The following PYM1 variants were observed in gnomAD, a reference collection of about 807,000 sequenced individuals.
PYM1 encodes partner of Y14 and mago.
A neutral mutation model predicts 20.7 loss-of-function variants in PYM1; 7 were observed. That is an observed-to-expected ratio of 0.34 (90% CI 0.19 to 0.64). The LOEUF is 0.64. Among genes scored for constraint, PYM1 ranks in the 30% least tolerant of loss-of-function variants. The pLI is 0.74. For synonymous variants in PYM1, 100 were observed against 99.2 expected (o/e 1.01, Z -0.05); for missense variants, 194 against 250.0 (o/e 0.78, Z 1.51).
In PYM1 at chr12:55,927,709, G is replaced by A. The variant is rs1358348733; in HGVS notation, c.37+16C>T. 2 of 1,539,242 alleles carry A rather than the reference G, an allele frequency of 1.3e-6. No homozygotes were observed. The highest frequency in any genetic ancestry group is 1.2e-5 in the South Asian group (1 of 83,882). ...GGGAGGGGCGTGCAAGGCGGAGGGC[G>A]CCGCGGGTCGGTCACCTGTCTCCGT... On this transcript the variant is annotated intron_variant, in intron 1 of 2. Coordinates refer to ENST00000408946, the MANE Select transcript of PYM1 (RefSeq NM_032345.3).
intron 1 of PYM1, among the ~76,000 whole-genome samples, chr12:55,905,443 T>G (rs1882778558): frequency 6.6e-6 from 1 of 151,594 alleles, no homozygotes; most frequent in South Asian, 2.1e-4. Flanking sequence ...AGCTCATGCC[T>G]GTAATCCCAA....
At chr12:55,907,653 T>TG (rs1882846407) in intron 1 of PYM1, among the ~76,000 whole-genome samples, 1 of 131,104 alleles carries the variant, frequency 7.6e-6, no homozygotes, top group East Asian at 2.1e-4. Flanking sequence ...AAAAAAAAAT[T>TG]GGAGGCCAGG....
At chr12:55,925,394 G>T (rs1320814330) in intron 1 of PYM1, among the ~76,000 whole-genome samples, 1 of 152,170 alleles carries the variant, frequency 6.6e-6, no homozygotes, top group Non-Finnish European at 1.5e-5. Flanking sequence ...AAGAAAAAGC[G>T]GTGTCCTAGA....
chr12:55,906,236 TGCA>T (rs761586104), intron 1 of PYM1, among the ~76,000 whole-genome samples: 3 of 151,610 alleles, frequency 2.0e-5, no homozygotes, highest in Non-Finnish European at 4.4e-5. Flanking sequence ...TACTTCGGTA[TGCA>T]GCAGAAGTGT....
rs1362509241 is a variant in PYM1 at position 55,927,720 on chromosome 12, G to A, written c.37+5C>T. 3.2e-6 allele frequency: 5 copies of A among 1,539,916 alleles called. No homozygotes were observed. The African/African-American group carries it at 6.8e-5, about 21-fold the overall frequency. ...GCAAGGCGGAGGGCGCCGCGGGTCG[G>A]TCACCTGTCTCCGTAGCCGCAGGGC... On this transcript the variant is annotated splice_donor_5th_base_variant and intron_variant, in intron 1 of 2. Coordinates refer to ENST00000408946, the MANE Select transcript of PYM1 (RefSeq NM_032345.3).
intron 1 of PYM1, among the ~76,000 whole-genome samples, chr12:55,926,724 G>A (rs1423170256): frequency 6.6e-6 from 1 of 152,116 alleles, no homozygotes; most frequent in Non-Finnish European, 1.5e-5. Context: ...GGGAAAAGAA[G>A]GAGGGCAGGA....
chr12:55,919,823 G>A (rs192875899), intron 1 of PYM1, among the ~76,000 whole-genome samples: 1 of 151,496 alleles, frequency 6.6e-6, no homozygotes, highest in African/African-American at 2.4e-5. Flanking sequence ...CTTGAGCCCA[G>A]TTGGCAGAGC....
intron 1 of PYM1, among the ~76,000 whole-genome samples, chr12:55,917,155 C>T (rs1314370811): frequency 6.6e-6 from 1 of 151,278 alleles, no homozygotes; most frequent in African/African-American, 2.4e-5. Flanking sequence ...AGTGGCTCAC[C>T]ATGCCTGCAA....
chr12:55,926,283 G>A (rs1371285207), intron 1 of PYM1, among the ~76,000 whole-genome samples: 1 of 152,226 alleles, frequency 6.6e-6, no homozygotes, highest in Admixed American at 6.5e-5. Context: ...TAAAAGCTGT[G>A]ATTCTCCGTT....
At chr12:55,913,848 C>T (rs1882963588) in intron 1 of PYM1, 1 of 153,716 alleles carries the variant, frequency 6.5e-6, no homozygotes, top group South Asian at 2.1e-4. Flanking sequence ...TTTTATTGAG[C>T]ACTTACTCTT....
chr12:55,926,449 C>T (rs902830767), intron 1 of PYM1, among the ~76,000 whole-genome samples: 1 of 152,186 alleles, frequency 6.6e-6, no homozygotes, highest in Non-Finnish European at 1.5e-5. Context: ...TGCCTTTTCC[C>T]ACCTTAGACC....
At chr12:55,927,126 A>G in intron 1 of PYM1, 3 of 1,550,518 alleles carry the variant, frequency 1.9e-6, no homozygotes, top group Non-Finnish European at 2.6e-6. Context: ...AACGCAAACC[A>G]CTTCCGGCGT....
intron 1 of PYM1, among the ~76,000 whole-genome samples, chr12:55,915,559 T>TAAA (rs568756685): frequency 1.7e-5 from 2 of 121,062 alleles, no homozygotes; most frequent in Admixed American, 1.7e-4. Flanking sequence ...AGTTTATCTT[T>TAAA]AAAAAAAAAA....
Position 55,927,180 on chromosome 12 carries a change from C to T in PYM1, c.37+545G>A. Reference sequence around the variant, plus strand: ...CCCCCCTCCCCACCGGAAGTGGAGTCCCGATCGTAGCAAGCCACCATCTTA... The same window carrying T: ...CCCCCCTCCCCACCGGAAGTGGAGTTCCGATCGTAGCAAGCCACCATCTTA... On this transcript the variant is annotated intron_variant, in intron 1 of 2. Transcript: ENST00000408946. 3 of 1,547,652 alleles carry T rather than the reference C, an allele frequency of 1.9e-6. No homozygotes were observed. The South Asian group carries it at 3.6e-5, about 18-fold the overall frequency.
chr12:55,902,804 T>C, intron 2 of PYM1, among the ~76,000 whole-genome samples: 1 of 150,456 alleles, frequency 6.6e-6, no homozygotes, highest in Non-Finnish European at 1.5e-5. Flanking sequence ...TCTCGCTCTG[T>C]CGCCAGGGCT....
chr12:55,915,809 CA>C (rs1171192008), intron 1 of PYM1, among the ~76,000 whole-genome samples: 1 of 151,982 alleles, frequency 6.6e-6, no homozygotes, highest in Admixed American at 6.6e-5. Context: ...ATGATAACAA[CA>C]AATCAGCAGC....
At chr12:55,912,703 G>A (rs1429147058) in intron 1 of PYM1, among the ~76,000 whole-genome samples, 5 of 152,154 alleles carry the variant, frequency 3.3e-5, no homozygotes, top group Non-Finnish European at 5.9e-5. Flanking sequence ...AGTGGTTCAC[G>A]TATGTAATCC....
rs553189509 is a variant in PYM1, at chr12:55,919,564, C to T, written c.37+8161G>A. Among the ~76,000 whole-genome samples the T allele has an allele frequency of 4.6e-5, 7 of 152,242 alleles. No individual in the cohort carries two copies. The East Asian group carries it at 9.6e-4, about 21-fold the overall frequency. On this transcript the variant is annotated intron_variant, in intron 1 of 2. Transcript: ENST00000408946. ...CTTAACAGTATAATTCAAAATATGT[C>T]ATTTTACCTTAATGTTATATATGCA... is the stretch of plus-strand genomic sequence containing the variant.
chr12:55,927,796 GC>G lies in PYM1; in HGVS notation c.-36del. The G allele has an allele frequency of 2.6e-6, 4 of 1,535,078 alleles. No homozygotes were observed. Among genetic ancestry groups the G allele is most frequent in the Middle Eastern group, 4.0e-4 (2 of 5,050 alleles). ...GGCAGCGGACCAGGTTGGGCGGGCG[GC>G]CCTGGCCTGGCTCTGCCCCGCTGGG... On this transcript the variant is annotated 5_prime_UTR_variant, in exon 1 of 3. Coordinates refer to ENST00000408946, the MANE Select transcript of PYM1 (RefSeq NM_032345.3).
Sources: gnomAD v4.1 joint callset for allele counts (sites outside exome capture counted in the v4.1 genomes callset) on GRCh38, gnomAD v4.1.1 for gene constraint, MANE v1.5 for transcripts, NCBI Gene and HGNC (gene_info 2026-07-23, HGNC 2026-07-21) for gene names.